Variants in TYW5 observed in about 807,000 individuals in gnomAD.
TYW5 encodes tRNA-yW synthesizing protein 5.
Under a neutral mutation model 44.4 loss-of-function variants are expected in TYW5, and 36 were observed. The observed-to-expected ratio is 0.81, with a 90% CI of 0.62 to 1.07. The LOEUF is 1.07. Ranked by LOEUF, TYW5 falls within the 50% of genes least tolerant of loss-of-function variation. TYW5 has a pLI of 0.00. For missense variants in TYW5, 354 were observed against 365.7 expected, an observed-to-expected ratio of 0.97 and a Z score of 0.26; for synonymous variants, 121 against 128.1, an observed-to-expected ratio of 0.94 and a Z score of 0.37.
intron 5 of TYW5, among the ~76,000 whole-genome samples, chr2:199,938,386 AT>A (rs2077438540): frequency 6.6e-6 from 1 of 152,106 alleles, no homozygotes. Context: ...TATTGTACAC[AT>A]TTTTGCTGCC....
At chr2:199,939,196 CTCTCTCTCTATCTT>C in intron 4 of TYW5, 126 bp from the exon 5 acceptor site, 1 of 793,190 alleles carries the variant, frequency 1.3e-6, no homozygotes, top group Non-Finnish European at 1.9e-6. Context: ...TACATGATCT[CTCTCTCTCTATCTT>C]TCTCTCTCTC....
intron 3 of TYW5, 68 bp downstream of exon 3, chr2:199,943,697 T>G: frequency 2.3e-6 from 3 of 1,305,762 alleles, no homozygotes; most frequent in Admixed American, 2.2e-5. Context: ...TCTACTATTC[T>G]TTCATAAGAA....
At position 199,940,242 on chromosome 2, in the gene TYW5, A is replaced by G. The variant is rs147858321; in HGVS notation, c.304-109T>C. The G allele has an allele frequency of 6.9e-6, 7 of 1,010,426 alleles. No homozygotes were observed. The East Asian group carries it at 1.8e-4, about 26-fold the overall frequency. The allele number at this position is 1,010,426 out of a possible 1,614,324, so 62.6% of individuals were successfully genotyped here. ...TATTCATAATAATTAAAAGTAAAAA[A>G]AAGAATTATGTACTGAGAACTACGG... On this transcript the variant is annotated intron_variant, in intron 3 of 7. Coordinates refer to ENST00000354611, the MANE Select transcript of TYW5 (RefSeq NM_001039693.3).
intron 7 of TYW5, 111 bp from the exon 8 acceptor site, chr2:199,933,434 T>C (rs995472980): frequency 2.2e-6 from 2 of 919,252 alleles, no homozygotes; most frequent in Middle Eastern, 3.3e-4. Context: ...AAATAATTCT[T>C]GTAACCAGAT....
chr2:199,929,818 TAC>T lies in TYW5; in HGVS notation c.*3247_*3248del, dbSNP rs1347957631. Among the ~76,000 whole-genome samples the T allele has an allele frequency of 6.6e-6, 1 of 151,624 alleles. No individual in the cohort carries two copies. The highest frequency in any genetic ancestry group is 2.4e-5 in the African/African-American group (1 of 41,192). ...AATAATGTTATGAAATGCTAATAAT[TAC>T]ACTCTGTTTAGTTTTTTTTTTTGAG... On this transcript the variant is annotated 3_prime_UTR_variant, in exon 8 of 8. Coordinates refer to ENST00000354611, the MANE Select transcript of TYW5 (RefSeq NM_001039693.3).
At position 199,937,114 on chromosome 2, in the gene TYW5, T is replaced by G. The variant is rs146089255; in HGVS notation, c.487-622A>C. ...AATGTAATGGTATACTTTCTTGGTA[T>G]AGATTGTGAAAAAATGTTAAAGGCA... On this transcript the variant is annotated intron_variant, in intron 5 of 7. Coordinates refer to ENST00000354611, the MANE Select transcript of TYW5 (RefSeq NM_001039693.3). Among the ~76,000 whole-genome samples, 7 of 152,250 alleles carry G rather than the reference T, an allele frequency of 4.6e-5. No homozygotes were observed. The East Asian group carries it at 1.2e-3, about 25-fold the overall frequency.
chr2:199,936,543 A>G (rs1162690795), intron 5 of TYW5, 51 bp from the exon 6 acceptor site: 5 of 1,474,232 alleles, frequency 3.4e-6, no homozygotes, highest in African/African-American at 1.4e-5. Flanking sequence ...ATTCAAATAA[A>G]TAGAACCAAT....
At chr2:199,941,762 T>C (rs1025589985) in intron 3 of TYW5, among the ~76,000 whole-genome samples, 2 of 152,218 alleles carry the variant, frequency 1.3e-5, no homozygotes, top group Non-Finnish European at 2.9e-5. Flanking sequence ...TGCTTCATTG[T>C]AAGGAGTGTG....
Position 199,936,445 on chromosome 2 carries a change from T to C in TYW5, c.534A>G (p.Val178=), listed in dbSNP as rs1438604588. The stretch of plus-strand genomic sequence containing the variant: ...ACTGGGCATCTCGAGGACTGAAGAG[T>C]ACAACACGCTTTTTTCCTGTCACTT... ...LIQVTGKKRV[V]LFSPRDAQYL... Residue 178 remains valine (V), a synonymous_variant, in exon 6 of 8, where the codon GTA becomes GTG. Transcript: ENST00000354611. 5 of 1,613,186 alleles carry C rather than the reference T, an allele frequency of 3.1e-6. No homozygotes were observed. The highest frequency in any genetic ancestry group is 3.4e-6 in the Non-Finnish European group (4 of 1,179,718).
At chr2:199,953,181 G>A (rs961539668) in intron 1 of TYW5, among the ~76,000 whole-genome samples, 11 of 152,196 alleles carry the variant, frequency 7.2e-5, no homozygotes, top group Non-Finnish European at 1.5e-4. Flanking sequence ...AAATTAGCCG[G>A]ACGTCGGGGC....
At chr2:199,947,996 G>GCAGGAGTATCACTTGAACC (rs2077515509) in intron 2 of TYW5, 1 of 220,788 alleles carries the variant, frequency 4.5e-6, no homozygotes, top group Admixed American at 5.6e-5. Flanking sequence ...GGAGGCTGAG[G>GCAGGAGTATCACTTGAACC]CAGGAGTATC....
At position 199,948,433 on chromosome 2, in the gene TYW5, A is replaced by G. The variant is rs921204401; in HGVS notation, c.118T>C (p.Cys40Arg). The G allele has an allele frequency of 5.0e-6, 8 of 1,614,042 alleles. No individual in the cohort carries two copies. Among genetic ancestry groups the G allele is most frequent in the Non-Finnish European group, 6.8e-6 (8 of 1,180,026 alleles). ...TAATCCACTGTCCATTTGCTTGTAC[A>G]TGGCCCCAAATCAATCCCTTCCAAC... ...LVLEGIDLGP[C>R]TSKWTVDYLS... The change falls in exon 2 of 8, where the codon TGT (cysteine) becomes CGT (arginine). Residue 40 changes from cysteine to arginine, a missense_variant. Cys to Arg is a radical substitution (Grantham distance 180). Transcript: ENST00000354611.
intron 7 of TYW5, 91 bp from the exon 8 acceptor site, chr2:199,933,414 C>T: frequency 9.4e-7 from 1 of 1,066,820 alleles, no homozygotes; most frequent in South Asian, 1.6e-5. Flanking sequence ...TTGCATATAG[C>T]CAATGTAAGA....
At position 199,930,951 on chromosome 2, in the gene TYW5, T is replaced by C. The variant is rs376528758; in HGVS notation, c.*2116A>G. 80 of 152,340 alleles carry C rather than the reference T, an allele frequency of 5.3e-4. No individual in the cohort carries two copies. The highest frequency in any genetic ancestry group is 1.9e-3 in the African/African-American group (77 of 41,566). The allele number at this position is 152,340 out of a possible 1,614,324, so 9.4% of individuals were successfully genotyped here. A position where few individuals can be genotyped will look rare whatever the true frequency, so the allele number is the denominator to read the frequency against. On this transcript the variant is annotated 3_prime_UTR_variant, in exon 8 of 8. Transcript: ENST00000354611. ...CTAACATACACTGTATAAGATTTTA[T>C]ACATTAAAAACAAACATCTCATTTG... is the stretch of plus-strand genomic sequence containing the variant.
At chr2:199,951,372 T>C (rs1376342226) in intron 1 of TYW5, among the ~76,000 whole-genome samples, 3 of 152,222 alleles carry the variant, frequency 2.0e-5, no homozygotes, top group Non-Finnish European at 4.4e-5. Flanking sequence ...GTGACTTGGG[T>C]AACTTCTCCC....
intron 4 of TYW5, 123 bp downstream of exon 4, chr2:199,939,963 GAGA>G: frequency 1.1e-6 from 1 of 913,030 alleles, no homozygotes; most frequent in South Asian, 1.5e-5. Context: ...AAATCACTGA[GAGA>G]AGAATGGAAA....
intron 2 of TYW5, chr2:199,946,054 C>T (rs2077501695): frequency 6.6e-6 from 1 of 152,218 alleles, no homozygotes; most frequent in Non-Finnish European, 1.5e-5. Context: ...TTAGAGTAAA[C>T]ACCTTGGGTT....
chr2:199,952,011 C>T (rs1029686081), intron 1 of TYW5, among the ~76,000 whole-genome samples: 2 of 149,372 alleles, frequency 1.3e-5, no homozygotes, highest in South Asian at 2.1e-4. Flanking sequence ...AGCAAGACTC[C>T]GTCTCAAAAA....
At chr2:199,952,559 C>CT (rs1231762846) in intron 1 of TYW5, among the ~76,000 whole-genome samples, 1 of 152,174 alleles carries the variant, frequency 6.6e-6, no homozygotes, top group Non-Finnish European at 1.5e-5. Flanking sequence ...CATACAAGGG[C>CT]TTTTACTGTC....
Sources: allele counts gnomAD v4.1 joint callset (sites outside exome capture counted in the v4.1 genomes callset), GRCh38; gene constraint gnomAD v4.1.1; transcripts MANE v1.5; gene names NCBI Gene and HGNC (gene_info 2026-07-23, HGNC 2026-07-21).